The following PTPRD variants were observed in gnomAD, a reference collection of about 807,000 sequenced individuals.
PTPRD encodes protein tyrosine phosphatase receptor type D.
PTPRD carries 34 observed loss-of-function variants against 214.5 expected under a neutral mutation model. The observed-to-expected ratio is 0.16, with a 90% CI of 0.12 to 0.21. The LOEUF (loss-of-function observed/expected upper bound fraction) is 0.21, where lower values mean the gene tolerates loss of function less well. Among genes scored for constraint, PTPRD ranks in the 10% least tolerant of loss-of-function variants. The probability of loss-of-function intolerance (pLI) is 1.00; values close to 1 mark genes in which losing one functional copy is unlikely to be tolerated. For missense variants in PTPRD, 2,545 were observed against 2,398.7 expected, an observed-to-expected ratio of 1.06 and a Z score of -1.27; for synonymous variants, 1,128 against 845.7, an observed-to-expected ratio of 1.33 and a Z score of -5.79.
At chr9:8,339,181 T>G in intron 42 of PTPRD, 134 bp from the exon 43 acceptor site, 3 of 879,554 alleles carry the variant, frequency 3.4e-6, no homozygotes, top group Admixed American at 6.0e-5. Flanking sequence ...CAATTCCAAT[T>G]GCATATGACT....
At chr9:8,977,915 C>G (rs554446846) in intron 11 of PTPRD, among the ~76,000 whole-genome samples, 1 of 152,156 alleles carries the variant, frequency 6.6e-6, no homozygotes, top group South Asian at 2.1e-4. Context: ...GTAAAATACT[C>G]TCAGTTACAA....
At chr9:8,765,402 G>T (rs1247451867) in intron 11 of PTPRD, among the ~76,000 whole-genome samples, 1 of 152,134 alleles carries the variant, frequency 6.6e-6, no homozygotes, top group Non-Finnish European at 1.5e-5. Flanking sequence ...ATTCTCTCTG[G>T]CATAAGCCAA....
At chr9:9,167,643 T>C (rs1004579843) in intron 10 of PTPRD, among the ~76,000 whole-genome samples, 1 of 151,832 alleles carries the variant, frequency 6.6e-6, no homozygotes, top group South Asian at 2.1e-4. Flanking sequence ...TAATCCCAGC[T>C]ACTCGAGAGG....
intron 6 of PTPRD, among the ~76,000 whole-genome samples, chr9:9,735,392 G>A (rs188345305): frequency 1.5e-3 from 226 of 152,172 alleles, no homozygotes; most frequent in African/African-American, 5.3e-3. Flanking sequence ...TGGGAATCGA[G>A]TTTGAAACTA....
intron 2 of PTPRD, among the ~76,000 whole-genome samples, chr9:10,368,591 A>G (rs1255083381): frequency 2.0e-5 from 3 of 152,120 alleles, no homozygotes; most frequent in African/African-American, 7.2e-5. Context: ...TAGAAAGAAT[A>G]CAGAACATTG....
chr9:9,832,262 T>C lies in PTPRD; in HGVS notation c.-367-65411A>G, dbSNP rs79209726. ...GTAGCAGACGAAAGAGTATCTACAA[T>C]GAAGTACCAGAAGCAAAGTAGACAA... On this transcript the variant is annotated intron_variant, in intron 5 of 45. Coordinates refer to ENST00000381196, the MANE Select transcript of PTPRD (RefSeq NM_002839.4). 8.8e-3 allele frequency among the ~76,000 whole-genome samples: 1,336 copies of C among 152,054 alleles called. 17 individuals carry two copies. The highest frequency in any genetic ancestry group is 0.03 in the African/African-American group (1,245 of 41,518).
chr9:10,591,287 A>G (rs375638848), intron 2 of PTPRD, among the ~76,000 whole-genome samples: 2 of 152,016 alleles, frequency 1.3e-5, no homozygotes, highest in African/African-American at 4.8e-5. Context: ...GTGGTTTGAC[A>G]GTGGCAGACA....
At chr9:9,706,176 A>T (rs2097600924) in intron 7 of PTPRD, among the ~76,000 whole-genome samples, 1 of 152,106 alleles carries the variant, frequency 6.6e-6, no homozygotes, top group Non-Finnish European at 1.5e-5. Context: ...ATTACTCCCT[A>T]ATCTAGGGAA....
chr9:9,363,689 C>T (rs762613946), intron 9 of PTPRD, among the ~76,000 whole-genome samples: 1 of 151,270 alleles, frequency 6.6e-6, no homozygotes, highest in Non-Finnish European at 1.5e-5. Flanking sequence ...CTCAAATATT[C>T]AGCAGCCTTT....
chr9:10,441,533 T>C (rs2098758275), intron 2 of PTPRD, among the ~76,000 whole-genome samples: 1 of 150,474 alleles, frequency 6.6e-6, no homozygotes, highest in Non-Finnish European at 1.5e-5. Flanking sequence ...AACTTTCCAA[T>C]TGCTTCCAAT....
In PTPRD at chr9:9,139,781, G is replaced by A. The variant is rs111594778; in HGVS notation, c.-143+43523C>T. Among the ~76,000 whole-genome samples, 615 of 152,260 alleles carry A rather than the reference G, an allele frequency of 4.0e-3. 3 individuals carry two copies. The highest frequency in any genetic ancestry group is 0.013 in the African/African-American group (554 of 41,542). ...ACAGGTAATTGAAACTGCAGAAAGTGCAACCACGGCTGAGAGAACCACTGT... is the reference window on the plus strand; with the variant it reads ...ACAGGTAATTGAAACTGCAGAAAGTACAACCACGGCTGAGAGAACCACTGT... On this transcript the variant is annotated intron_variant, in intron 10 of 45. Transcript: ENST00000381196.
At chr9:9,885,410 T>C (rs1305674055) in intron 5 of PTPRD, among the ~76,000 whole-genome samples, 1 of 152,058 alleles carries the variant, frequency 6.6e-6, no homozygotes, top group African/African-American at 2.4e-5. Context: ...TTTCAAGGAC[T>C]TGCATCTCAG....
At chr9:9,878,364 A>T (rs2067536658) in intron 5 of PTPRD, among the ~76,000 whole-genome samples, 1 of 152,168 alleles carries the variant, frequency 6.6e-6, no homozygotes, top group Non-Finnish European at 1.5e-5. Context: ...AGGCCATCAC[A>T]ATCACTGGGA....
intron 5 of PTPRD, among the ~76,000 whole-genome samples, chr9:9,813,110 A>G (rs1598522767): frequency 1.3e-5 from 2 of 152,230 alleles, no homozygotes; most frequent in South Asian, 4.1e-4. Context: ...TGAAAAAGAA[A>G]AAGACAACAT....
At chr9:9,684,279 C>T (rs528974272) in intron 7 of PTPRD, among the ~76,000 whole-genome samples, 1 of 151,752 alleles carries the variant, frequency 6.6e-6, no homozygotes, top group African/African-American at 2.4e-5. Flanking sequence ...TTCAACATAC[C>T]TTTCTGGACT....
At chr9:9,499,874 G>C (rs887691458) in intron 8 of PTPRD, among the ~76,000 whole-genome samples, 19 of 152,060 alleles carry the variant, frequency 1.2e-4, no homozygotes, top group Admixed American at 3.3e-4. Context: ...GTAAACACTA[G>C]AGCCAAATAA....
chr9:10,062,799 G>C (rs1316000246), intron 3 of PTPRD, among the ~76,000 whole-genome samples: 1 of 151,696 alleles, frequency 6.6e-6, no homozygotes, highest in East Asian at 1.9e-4. Flanking sequence ...GCTAATTATG[G>C]TTAAACATCT....
At chr9:9,538,396 T>C (rs1300275662) in intron 8 of PTPRD, among the ~76,000 whole-genome samples, 1 of 152,012 alleles carries the variant, frequency 6.6e-6, no homozygotes, top group Non-Finnish European at 1.5e-5. Context: ...GTTTTACATA[T>C]ATATGTATAT....
chr9:9,323,183 T>C (rs920253388), intron 9 of PTPRD, among the ~76,000 whole-genome samples: 1 of 151,904 alleles, frequency 6.6e-6, no homozygotes, highest in African/African-American at 2.4e-5. Context: ...TTCCTAATTA[T>C]ACCATCCAAA....
Sources: allele counts gnomAD v4.1 joint callset (sites outside exome capture counted in the v4.1 genomes callset), GRCh38; gene constraint gnomAD v4.1.1; transcripts MANE v1.5; gene names NCBI Gene and HGNC (gene_info 2026-07-23, HGNC 2026-07-21).